KATNIP: variants seen among roughly 807,000 people sequenced by gnomAD.
KATNIP encodes katanin-interacting protein.
Under a neutral mutation model 174.0 loss-of-function variants are expected in KATNIP, and 126 were observed. The ratio of observed to expected loss-of-function variants is 0.72; its 90% CI spans 0.63 to 0.84. The LOEUF is 0.84. Among genes scored for constraint, KATNIP ranks in the 40% least tolerant of loss-of-function variants. KATNIP has a pLI of 0.00. For synonymous variants in KATNIP, 810 were observed against 835.7 expected (o/e 0.97, Z 0.53); for missense variants, 1,958 against 2,109.7 (o/e 0.93, Z 1.41).
chr16:27,589,674 C>T (rs2075108687), intron 2 of KATNIP, among the ~76,000 whole-genome samples: 1 of 152,136 alleles, frequency 6.6e-6, no homozygotes, highest in East Asian at 1.9e-4. Context: ...GTCTTTATTC[C>T]TGTGTTTTGG....
At chr16:27,618,787 T>G (rs551021615) in intron 3 of KATNIP, among the ~76,000 whole-genome samples, 2 of 152,318 alleles carry the variant, frequency 1.3e-5, no homozygotes, top group African/African-American at 4.8e-5. Flanking sequence ...AGGCTTGGAT[T>G]TGGCAGGGCT....
intron 8 of KATNIP, among the ~76,000 whole-genome samples, chr16:27,684,719 C>A (rs2078462220): frequency 6.6e-6 from 1 of 152,222 alleles, no homozygotes; most frequent in African/African-American, 2.4e-5. Flanking sequence ...CCAGGCCTCT[C>A]TCCTAACTTC....
chr16:27,607,660 C>T (rs894648607), intron 2 of KATNIP, among the ~76,000 whole-genome samples: 1 of 148,358 alleles, frequency 6.7e-6, no homozygotes, highest in Non-Finnish European at 1.5e-5. Flanking sequence ...TGCAGTGGCA[C>T]AATCTCAGCT....
chr16:27,670,724 C>A (rs2077865480), intron 6 of KATNIP, among the ~76,000 whole-genome samples: 1 of 152,198 alleles, frequency 6.6e-6, no homozygotes, highest in South Asian at 2.1e-4. Context: ...TTCCCCGCCA[C>A]TCCTCTAGGG....
At chr16:27,675,698 G>A (rs530664337) in intron 6 of KATNIP, among the ~76,000 whole-genome samples, 9 of 152,046 alleles carry the variant, frequency 5.9e-5, no homozygotes, top group Non-Finnish European at 1.0e-4. Context: ...CTTTCGTTTT[G>A]TTCTTTCTTT....
intron 13 of KATNIP, among the ~76,000 whole-genome samples, chr16:27,713,728 T>C (rs111985495): frequency 0.017 from 139 of 8,134 alleles, 2 homozygotes; most frequent in African/African-American, 0.03. Flanking sequence ...TGTGTGTGTA[T>C]TATATACACA....
intron 14 of KATNIP, among the ~76,000 whole-genome samples, chr16:27,729,759 G>A (rs116836690): frequency 2.1e-3 from 315 of 152,194 alleles, no homozygotes; most frequent in African/African-American, 7.2e-3. Context: ...TTCTGTCCGC[G>A]CCAGCTCCTG....
At chr16:27,562,339 T>G (rs868464315) in intron 1 of KATNIP, among the ~76,000 whole-genome samples, 1 of 152,132 alleles carries the variant, frequency 6.6e-6, no homozygotes, top group African/African-American at 2.4e-5. Context: ...ATAATAATAA[T>G]AGGACCTTCC....
chr16:27,720,822 C>T (rs918845451), intron 13 of KATNIP, among the ~76,000 whole-genome samples: 5 of 152,158 alleles, frequency 3.3e-5, no homozygotes, highest in African/African-American at 1.2e-4. Context: ...GAGTTTTGTC[C>T]CACTGGAGAG....
chr16:27,692,835 A>G (rs2142924089), intron 8 of KATNIP, among the ~76,000 whole-genome samples: 1 of 152,338 alleles, frequency 6.6e-6, no homozygotes, highest in East Asian at 1.9e-4. Context: ...TCCCACACCA[A>G]GAGCAGCATC....
chr16:27,699,727 C>A, intron 10 of KATNIP, 128 bp downstream of exon 10: 1 of 1,241,436 alleles, frequency 8.1e-7, no homozygotes. Flanking sequence ...GGGCGCTTTC[C>A]TTCACACTGT....
chr16:27,750,144 A>G lies in KATNIP; in HGVS notation c.3184A>G (p.Ile1062Val), dbSNP rs1388179229. 1.2e-6 allele frequency: 2 copies of G among 1,614,088 alleles called. No individual in the cohort carries two copies. The highest frequency in any genetic ancestry group is 4.5e-5 in the East Asian group (2 of 44,854). Residue 1062 changes from isoleucine to valine, a missense_variant, in exon 16 of 28, where the codon ATT (isoleucine) becomes GTT (valine). Around this residue, in one of 3 missense-constraint regions of KATNIP, gnomAD observed 1,557 missense variants for 1,617.8 expected, o/e 0.96. Transcript: ENST00000261588. Reference sequence around the variant, plus strand: ...GCGGGGCAGATCCCACTCCATCACCATTGACTTCACGCACCCTTGCCACGT... The same window carrying G: ...GCGGGGCAGATCCCACTCCATCACCGTTGACTTCACGCACCCTTGCCACGT... ...FTRGRSHSITIDFTHPCHVAL... is the reference protein window; with the variant it reads ...FTRGRSHSITVDFTHPCHVAL...
intron 6 of KATNIP, among the ~76,000 whole-genome samples, chr16:27,662,019 C>T (rs1397890070): frequency 8.2e-5 from 3 of 36,408 alleles, no homozygotes; most frequent in Admixed American, 3.5e-4. Flanking sequence ...TATATATACA[C>T]ATACATATAT....
chr16:27,751,949 G>T (rs777951595), intron 17 of KATNIP, 25 bp downstream of exon 17: 8 of 1,571,676 alleles, frequency 5.1e-6, no homozygotes, highest in Non-Finnish European at 6.9e-6. Context: ...GGGGGGCTGT[G>T]GGGGGACCCC....
rs202043447 is a variant in KATNIP at position 27,646,641 on chromosome 16, CTG to C, written c.409-1960_409-1959del. Among the ~76,000 whole-genome samples the C allele has an allele frequency of 3.6e-4, 55 of 152,332 alleles. 2 individuals are homozygous for C. In the East Asian group the frequency reaches 9.6e-3, roughly 27 times the overall value. On this transcript the variant is annotated intron_variant, in intron 5 of 27. Transcript: ENST00000261588. ...GCCTAATTATCAGGTGTGTGGTTGT[CTG>C]TGCAGCAATCAGGGCAAGAAGGTGG...
rs1396728100 is a variant in KATNIP, at chr16:27,778,731, G to A, written c.*102G>A. ...ACCCTCAGTCCCAGGAGCTGGAAGC[G>A]AACCACAGTGTTGAGGGGAGCCCGC... On this transcript the variant is annotated 3_prime_UTR_variant, in exon 28 of 28. Transcript: ENST00000261588. 5.7e-6 allele frequency: 7 copies of A among 1,223,484 alleles called. No homozygotes were observed. The highest frequency in any genetic ancestry group is 2.8e-5 in the South Asian group (2 of 71,762). 75.8% of individuals were successfully genotyped at this position (1,223,484 alleles called of 1,614,324 possible).
intron 14 of KATNIP, among the ~76,000 whole-genome samples, chr16:27,736,879 G>A (rs1014924213): frequency 6.6e-6 from 1 of 152,200 alleles, no homozygotes; most frequent in South Asian, 2.1e-4. Context: ...AGACCCTGGT[G>A]GCCCAGGCAG....
chr16:27,754,315 T>G (rs1287514995), intron 18 of KATNIP, 64 bp downstream of exon 18: 2 of 1,380,434 alleles, frequency 1.4e-6, no homozygotes, highest in Non-Finnish European at 2.1e-6. Context: ...GGGGGAGTTG[T>G]GGCCACTTGG....
chr16:27,664,934 G>A (rs1428026233), intron 6 of KATNIP, among the ~76,000 whole-genome samples: 1 of 152,108 alleles, frequency 6.6e-6, no homozygotes, highest in Non-Finnish European at 1.5e-5. Context: ...GGCTAGAGTG[G>A]GGGGCCGCTT....
Sources: allele counts gnomAD v4.1 joint callset (sites outside exome capture counted in the v4.1 genomes callset), GRCh38; gene constraint gnomAD v4.1.1; regional missense constraint gnomAD v4.1.1; transcripts MANE v1.5; gene names NCBI Gene and HGNC (gene_info 2026-07-23, HGNC 2026-07-21).